PCYT1B: variants seen among roughly 807,000 people sequenced by gnomAD.
PCYT1B encodes choline-phosphate cytidylyltransferase B.
Under a neutral mutation model 26.4 loss-of-function variants are expected in PCYT1B, and 10 were observed. The ratio of observed to expected loss-of-function variants is 0.38; its 90% CI spans 0.23 to 0.64. The LOEUF (loss-of-function observed/expected upper bound fraction) is 0.64, where lower values mean the gene tolerates loss of function less well. Among genes scored for constraint, PCYT1B ranks in the 30% least tolerant of loss-of-function variants. The pLI is 0.56. For missense variants in PCYT1B, 161 were observed against 292.7 expected (o/e 0.55, Z 3.28); for synonymous variants, 131 against 108.4 (o/e 1.21, Z -1.29).
In PCYT1B at chrX:24,559,395, AAG is replaced by A. The variant is rs1327306151; in HGVS notation, c.*2896_*2897del. On this transcript the variant is annotated 3_prime_UTR_variant, in exon 8 of 8. Transcript: ENST00000379144. ...GAAGGAAGAAAGAGAAAGAAAAAGA[AAG>A]AAAGAAAAAGAGGAAAGAAAAAGAG... 6.9e-5 allele frequency: 7 copies of A among 101,841 alleles called. No homozygotes were observed. In the East Asian group the frequency reaches 2.2e-3, roughly 31 times the overall value. 8.4% of individuals were successfully genotyped at this position (101,841 alleles called of 1,213,427 possible). A position where few individuals can be genotyped will look rare whatever the true frequency, so the allele number is the denominator to read the frequency against.
intron 1 of PCYT1B, among the ~76,000 whole-genome samples, chrX:24,667,392 G>C (rs954826452): frequency 1.2e-4 from 13 of 110,884 alleles, no homozygotes; most frequent in Non-Finnish European, 5.7e-5. Context: ...ATAGATAAGA[G>C]GAAAGAAGGC....
At chrX:24,663,777 T>C (rs1197339428) in intron 1 of PCYT1B, among the ~76,000 whole-genome samples, 2 of 110,820 alleles carry the variant, frequency 1.8e-5, no homozygotes, top group Non-Finnish European at 3.8e-5. Flanking sequence ...AACTAGCCAC[T>C]GCGTGGTGGC....
chrX:24,661,100 G>C (rs190845275), intron 1 of PCYT1B, among the ~76,000 whole-genome samples: 9 of 112,177 alleles, frequency 8.0e-5, no homozygotes, highest in African/African-American at 2.9e-4. Flanking sequence ...ACTCCTGACA[G>C]CCAAAGATGA....
chrX:24,619,013 G>A lies in PCYT1B; in HGVS notation c.189C>T (p.Thr63=). 3 of 1,169,522 alleles carry A rather than the reference G, an allele frequency of 2.6e-6. No homozygotes were observed. Among genetic ancestry groups the A allele is most frequent in the Non-Finnish European group, 3.4e-6 (3 of 870,469 alleles). Residue 63 remains threonine, a synonymous_variant, in exon 2 of 8, where the codon ACC becomes ACT. Coordinates refer to ENST00000379144, the MANE Select transcript of PCYT1B (RefSeq NM_004845.5). ...CQCQAPHEKL[T]IAQARLGTPA... ...GTGTTCCTAAGCGGGCCTGAGCAAT[G>A]GTCAGTTTTTCATGGGGTGCTTGAC... is the stretch of plus-strand genomic sequence containing the variant.
intron 1 of PCYT1B, among the ~76,000 whole-genome samples, chrX:24,637,491 A>AATATATATATATATATATATATATAT (rs1555963533): frequency 1.9e-5 from 1 of 52,874 alleles, no homozygotes; most frequent in Non-Finnish European, 2.9e-5. Flanking sequence ...AAAAAAAAAA[A>AATATATATATATATATATATATATAT]ATATATATAT....
intron 1 of PCYT1B, among the ~76,000 whole-genome samples, chrX:24,629,559 CAAAAAAAAAAAAAAAA>C (rs1165553186): frequency 1.9e-4 from 3 of 16,100 alleles, no homozygotes; most frequent in Non-Finnish European, 3.1e-4. Flanking sequence ...GACCCTGTCT[CAAAAAAAAAAAAAAAA>C]AAAAAAAAAA....
At chrX:24,657,550 T>G (rs1926947793) in intron 1 of PCYT1B, among the ~76,000 whole-genome samples, 1 of 112,303 alleles carries the variant, frequency 8.9e-6, no homozygotes, top group Non-Finnish European at 1.9e-5. Flanking sequence ...TGACTTAACA[T>G]TGAAACTCTT....
intron 1 of PCYT1B, among the ~76,000 whole-genome samples, chrX:24,620,990 A>G (rs972708767): frequency 1.8e-5 from 2 of 111,800 alleles, no homozygotes; most frequent in Non-Finnish European, 3.8e-5. Flanking sequence ...ACAACTTTCC[A>G]TTGTGCCTTT....
rs554970429 is a variant in PCYT1B at position 24,578,452 on chromosome X, T to G, written c.708+864A>C. ...TGTATACCTATGTAACAAACCTGCA[T>G]GTTCTGCACATGTATGCCAGAACTG... is the stretch of plus-strand genomic sequence containing the variant. On this transcript the variant is annotated intron_variant, in intron 6 of 7. Coordinates refer to ENST00000379144, the MANE Select transcript of PCYT1B (RefSeq NM_004845.5). Among the ~76,000 whole-genome samples, 128 of 111,828 alleles carry G rather than the reference T, an allele frequency of 1.1e-3. 1 individual carries two copies. The Middle Eastern group carries it at 0.014, about 12-fold the overall frequency.
chrX:24,587,405 T>C, intron 4 of PCYT1B, 86 bp from the exon 5 acceptor site: 1 of 596,371 alleles, frequency 1.7e-6, no homozygotes, highest in Non-Finnish European at 2.9e-6. Context: ...GACTTCATAA[T>C]GCCTTTTCAA....
chrX:24,666,671 T>C (rs987493706), intron 1 of PCYT1B, among the ~76,000 whole-genome samples: 3 of 109,289 alleles, frequency 2.7e-5, no homozygotes, highest in African/African-American at 1.0e-4. Flanking sequence ...TTGTAGTTCA[T>C]GGAAAGACAA....
At chrX:24,612,814 C>T (rs144306673) in intron 2 of PCYT1B, among the ~76,000 whole-genome samples, 190 of 112,116 alleles carry the variant, frequency 1.7e-3, no homozygotes, top group African/African-American at 5.9e-3. Flanking sequence ...TAAATTCACA[C>T]TACTGTGGGG....
intron 1 of PCYT1B, among the ~76,000 whole-genome samples, chrX:24,668,309 G>A (rs995283328): frequency 4.5e-5 from 5 of 111,819 alleles, no homozygotes; most frequent in Non-Finnish European, 9.4e-5. Context: ...CTCCCCGCAA[G>A]TGAATGCCTG....
At chrX:24,586,035 C>T (rs1285741021) in intron 5 of PCYT1B, among the ~76,000 whole-genome samples, 2 of 111,819 alleles carry the variant, frequency 1.8e-5, no homozygotes, top group East Asian at 2.8e-4. Context: ...TCTCCAGACA[C>T]GCTGTGCTTC....
chrX:24,571,351 G>A (rs1477512582), intron 7 of PCYT1B, among the ~76,000 whole-genome samples: 1 of 111,389 alleles, frequency 9.0e-6, no homozygotes, highest in Non-Finnish European at 1.9e-5. Context: ...GTGACAGAGT[G>A]AGTGAGACTC....
chrX:24,608,884 C>G (rs1044124619), intron 2 of PCYT1B, among the ~76,000 whole-genome samples: 7 of 111,999 alleles, frequency 6.3e-5, no homozygotes, highest in Admixed American at 3.8e-4. Context: ...ATATCCCCAT[C>G]ATGATACTCT....
intron 1 of PCYT1B, among the ~76,000 whole-genome samples, chrX:24,653,826 C>T (rs1416666989): frequency 9.2e-6 from 1 of 108,587 alleles, no homozygotes; most frequent in East Asian, 2.9e-4. Context: ...ATCATCTTGG[C>T]TCACTGCAAC....
intron 3 of PCYT1B, among the ~76,000 whole-genome samples, chrX:24,590,697 G>A (rs1924530420): frequency 9.1e-6 from 1 of 110,370 alleles, no homozygotes; most frequent in African/African-American, 3.3e-5. Flanking sequence ...CCTGGATTGA[G>A]GGCCAGTCAC....
chrX:24,603,055 C>T (rs1163331914), intron 3 of PCYT1B, among the ~76,000 whole-genome samples: 2 of 112,216 alleles, frequency 1.8e-5, no homozygotes, highest in Non-Finnish European at 3.8e-5. Flanking sequence ...CTGCCTGCCT[C>T]GGCCTCAAAA....
Sources: gnomAD v4.1 joint callset for allele counts (sites outside exome capture counted in the v4.1 genomes callset) on GRCh38, gnomAD v4.1.1 for gene constraint, MANE v1.5 for transcripts, NCBI Gene and HGNC (gene_info 2026-07-23, HGNC 2026-07-21) for gene names.